The following PDE4D variants were observed in gnomAD, a reference collection of about 807,000 sequenced individuals.
PDE4D encodes phosphodiesterase 4D, also known as 3',5'-cyclic-AMP phosphodiesterase 4D.
In PDE4D, 24 loss-of-function variants were observed where a neutral mutation model predicts 87.4. That is an observed-to-expected ratio of 0.27 (90% CI 0.20 to 0.39). The LOEUF is 0.39. PDE4D is among the 10% of genes least tolerant of loss of function. The pLI is 1.00. For missense variants in PDE4D, 714 were observed against 1,041.0 expected, an observed-to-expected ratio of 0.69 and a Z score of 4.32; for synonymous variants, 384 against 383.2, an observed-to-expected ratio of 1.00 and a Z score of -0.02.
At chr5:60,438,585 C>T (rs1218037180) in intron 1 of PDE4D, among the ~76,000 whole-genome samples, 1 of 151,994 alleles carries the variant, frequency 6.6e-6, no homozygotes, top group Non-Finnish European at 1.5e-5. Flanking sequence ...AGGCCATTAC[C>T]TGAGTAACCC....
At chr5:60,247,655 G>A in intron 1 of PDE4D, among the ~76,000 whole-genome samples, 1 of 151,820 alleles carries the variant, frequency 6.6e-6, no homozygotes, top group East Asian at 1.9e-4. Flanking sequence ...TTAATTTTCT[G>A]GATTCCCTCT....
intron 1 of PDE4D, among the ~76,000 whole-genome samples, chr5:59,400,299 C>A (rs905537663): frequency 1.8e-5 from 2 of 111,118 alleles, no homozygotes; most frequent in African/African-American, 8.3e-5. Flanking sequence ...TTTATTGCGG[C>A]ATTATTCACA....
At chr5:59,974,882 C>T (rs1761144057) in intron 3 of PDE4D, among the ~76,000 whole-genome samples, 2 of 152,098 alleles carry the variant, frequency 1.3e-5, no homozygotes, top group Admixed American at 1.3e-4. Context: ...GGCAAACAGA[C>T]TTCACTTCAT....
At chr5:60,110,147 C>A (rs1354813363) in intron 2 of PDE4D, among the ~76,000 whole-genome samples, 1 of 151,826 alleles carries the variant, frequency 6.6e-6, no homozygotes, top group Non-Finnish European at 1.5e-5. Context: ...GAGGCACAGT[C>A]AACAAAAACG....
At chr5:60,502,005 A>C (rs1750102011) in intron 1 of PDE4D, among the ~76,000 whole-genome samples, 2 of 152,138 alleles carry the variant, frequency 1.3e-5, no homozygotes. Context: ...TCTTTAGTTT[A>C]ATTAGATCCC....
At chr5:59,338,931 T>C (rs1398733232) in intron 1 of PDE4D, among the ~76,000 whole-genome samples, 3 of 152,252 alleles carry the variant, frequency 2.0e-5, no homozygotes, top group Non-Finnish European at 2.9e-5. Flanking sequence ...ACATATGTTA[T>C]GAAAATATCT....
At chr5:60,027,008 G>T (rs1766699138) in intron 2 of PDE4D, among the ~76,000 whole-genome samples, 1 of 151,950 alleles carries the variant, frequency 6.6e-6, no homozygotes, top group African/African-American at 2.4e-5. Context: ...CAGTTCAAAG[G>T]TTACCTCTTC....
At chr5:60,206,334 A>G (rs929797720) in intron 1 of PDE4D, among the ~76,000 whole-genome samples, 2 of 152,246 alleles carry the variant, frequency 1.3e-5, no homozygotes, top group East Asian at 3.8e-4. Flanking sequence ...AGAGAAAAAT[A>G]TACATACTCT....
intron 3 of PDE4D, among the ~76,000 whole-genome samples, chr5:59,917,490 AAACTGTGATACAGAAGACCTGG>A (rs1754196398): frequency 6.6e-6 from 1 of 152,240 alleles, no homozygotes; most frequent in Non-Finnish European, 1.5e-5. Flanking sequence ...AAAGGCCAGT[AAACTGTGATACAGAAGACCTGG>A]ACTCCAATCC....
intron 1 of PDE4D, among the ~76,000 whole-genome samples, chr5:59,377,971 C>T (rs1020204767): frequency 2.0e-5 from 3 of 152,162 alleles, no homozygotes; most frequent in Admixed American, 1.3e-4. Context: ...TATAATGACA[C>T]AGGCATGTGT....
chr5:59,646,511 T>C (rs767983386), intron 1 of PDE4D, among the ~76,000 whole-genome samples: 16 of 152,188 alleles, frequency 1.1e-4, no homozygotes, highest in Non-Finnish European at 2.4e-4. Context: ...ATTTAAAATA[T>C]TATATTCCTT....
intron 2 of PDE4D, among the ~76,000 whole-genome samples, chr5:60,104,129 T>C (rs538338144): frequency 3.3e-4 from 51 of 152,262 alleles, no homozygotes; most frequent in Non-Finnish European, 7.1e-4. Context: ...TGACAGACAA[T>C]ACCTGGAAAA....
At chr5:59,994,313 A>G (rs1242854340) in intron 2 of PDE4D, among the ~76,000 whole-genome samples, 1 of 151,574 alleles carries the variant, frequency 6.6e-6, no homozygotes, top group African/African-American at 2.4e-5. Flanking sequence ...GTGTATATAT[A>G]CATATACACA....
At chr5:59,111,754 T>C (rs1347456431) in intron 5 of PDE4D, among the ~76,000 whole-genome samples, 1 of 152,176 alleles carries the variant, frequency 6.6e-6, no homozygotes. Flanking sequence ...CTTTCAATTA[T>C]TTGGCAAAGA....
At chr5:59,902,775 T>C (rs1752411652) in intron 3 of PDE4D, among the ~76,000 whole-genome samples, 1 of 152,104 alleles carries the variant, frequency 6.6e-6, no homozygotes, top group Non-Finnish European at 1.5e-5. Flanking sequence ...AATATCTCAT[T>C]TCAGAAGAGA....
intron 2 of PDE4D, among the ~76,000 whole-genome samples, chr5:60,044,835 G>A (rs1304416681): frequency 1.3e-5 from 2 of 152,174 alleles, no homozygotes; most frequent in East Asian, 1.9e-4. Context: ...ACGTGTGCAT[G>A]TGTCTTTATA....
intron 2 of PDE4D, among the ~76,000 whole-genome samples, chr5:60,148,353 A>C (rs1241449864): frequency 6.6e-6 from 1 of 152,228 alleles, no homozygotes; most frequent in Non-Finnish European, 1.5e-5. Context: ...CCACAAAAAT[A>C]ATAATAAAAA....
At chr5:59,889,228 TAAAAAAAAAAAA>T (rs58549979) in intron 1 of PDE4D, among the ~76,000 whole-genome samples, 1 of 71,106 alleles carries the variant, frequency 1.4e-5, no homozygotes, top group East Asian at 4.2e-4. Flanking sequence ...AGACTCTGTC[TAAAAAAAAAAAA>T]AAAAAAAAAG....
At chr5:58,979,576 C>A (rs183400345) in intron 11 of PDE4D, among the ~76,000 whole-genome samples, 33 of 152,204 alleles carry the variant, frequency 2.2e-4, no homozygotes, top group Admixed American at 1.2e-3. Flanking sequence ...TAAGTAGAGT[C>A]CTTGAAGGTT....
Sources: gnomAD v4.1 joint callset for allele counts (sites outside exome capture counted in the v4.1 genomes callset) on GRCh38, gnomAD v4.1.1 for gene constraint, MANE v1.5 for transcripts, NCBI Gene and HGNC (gene_info 2026-07-23, HGNC 2026-07-21) for gene names.